The following MARCHF6 variants were observed in gnomAD, a reference collection of about 807,000 sequenced individuals.
The protein encoded by MARCHF6 is membrane associated ring-CH-type finger 6.
MARCHF6 carries 31 observed loss-of-function variants against 133.7 expected under a neutral mutation model. That is an observed-to-expected ratio of 0.23 (90% CI 0.17 to 0.31). MARCHF6 has a LOEUF of 0.31. Among genes scored for constraint, MARCHF6 ranks in the 10% least tolerant of loss-of-function variants. The pLI, the probability that MARCHF6 is intolerant of heterozygous loss-of-function variation, is 1.00. For synonymous variants in MARCHF6, 395 were observed against 402.5 expected (o/e 0.98, Z 0.22); for missense variants, 723 against 1,121.6 (o/e 0.64, Z 5.08).
chr5:10,403,069 G>A (rs1241271294), intron 14 of MARCHF6, among the ~76,000 whole-genome samples: 1 of 152,042 alleles, frequency 6.6e-6, no homozygotes, highest in African/African-American at 2.4e-5. Context: ...GCTGCCTTTG[G>A]TTCTGAGATA....
rs530590073 is a variant in MARCHF6 at position 10,422,705 on chromosome 5, A to G, written c.2284-1030A>G. On this transcript the variant is annotated intron_variant, in intron 22 of 25. Coordinates refer to ENST00000274140, the MANE Select transcript of MARCHF6 (RefSeq NM_005885.4). ...TTGAAGAAGATCCTTAGAATAACCA[A>G]TCAAACCAGTAAAGAAATGGGAACA... 7.2e-5 allele frequency among the ~76,000 whole-genome samples: 11 copies of G among 152,226 alleles called. No homozygotes were observed. In the South Asian group the frequency reaches 2.3e-3, roughly 32 times the overall value.
At chr5:10,404,064 TTTATTTATTTATTTAC>T (rs1416053612) in intron 15 of MARCHF6, among the ~76,000 whole-genome samples, 2 of 149,250 alleles carry the variant, frequency 1.3e-5, no homozygotes, top group Non-Finnish European at 3.0e-5. Flanking sequence ...TATTTATTTA[TTTATTTATTTATTTAC>T]TTATTTACTT....
At chr5:10,423,445 TATTTG>T (rs1374555391) in intron 22 of MARCHF6, among the ~76,000 whole-genome samples, 1 of 152,256 alleles carries the variant, frequency 6.6e-6, no homozygotes, top group East Asian at 1.9e-4. Context: ...GCATTTATTT[TATTTG>T]CTTTTTGAGA....
chr5:10,417,472 G>C, intron 22 of MARCHF6, 68 bp downstream of exon 22: 1 of 1,593,576 alleles, frequency 6.3e-7, no homozygotes. Flanking sequence ...TCCTAGCCAG[G>C]CATGGGGCTT....
intron 24 of MARCHF6, 84 bp downstream of exon 24, chr5:10,426,606 TC>T (rs1740100110): frequency 2.9e-6 from 4 of 1,377,516 alleles, no homozygotes; most frequent in Non-Finnish European, 3.0e-6. Flanking sequence ...AAAGGATGTC[TC>T]ACTCCATATG....
rs1735488847 is a variant in MARCHF6, at chr5:10,356,573, T to A, written c.19+2656T>A. 4.0e-5 allele frequency among the ~76,000 whole-genome samples: 6 copies of A among 151,804 alleles called. No homozygotes were observed. The South Asian group carries it at 1.2e-3, about 31-fold the overall frequency. ...ACCTCCCTCTGCTAATTTTTGTGTT[T>A]TTAGTAGAGATGGGGTTTCGCCATG... On this transcript the variant is annotated intron_variant, in intron 1 of 25. Transcript: ENST00000274140.
At chr5:10,380,225 G>A (rs1737050085) in intron 3 of MARCHF6, among the ~76,000 whole-genome samples, 1 of 151,560 alleles carries the variant, frequency 6.6e-6, no homozygotes, top group Non-Finnish European at 1.5e-5. Flanking sequence ...TATAAATGCT[G>A]TAACTTAGTG....
intron 1 of MARCHF6, among the ~76,000 whole-genome samples, chr5:10,368,651 T>G (rs1364103449): frequency 5.3e-5 from 8 of 152,054 alleles, no homozygotes. Flanking sequence ...GTCATCTCGG[T>G]TTGCTGCAAC....
At chr5:10,384,352 G>A (rs1737340180) in intron 4 of MARCHF6, among the ~76,000 whole-genome samples, 1 of 151,912 alleles carries the variant, frequency 6.6e-6, no homozygotes, top group Non-Finnish European at 1.5e-5. Flanking sequence ...AAGCCATGGA[G>A]TGAGAGAAGA....
rs969161847 is a variant in MARCHF6 at position 10,368,012 on chromosome 5, C to T, written c.20-9786C>T. Among the ~76,000 whole-genome samples the T allele has an allele frequency of 7.2e-5, 11 of 152,266 alleles. No homozygotes were observed. The South Asian group carries it at 1.4e-3, about 20-fold the overall frequency. Reference sequence around the variant, plus strand: ...CTGAGCAAGATTCATAATTTTACTGCATACGAATCTGATGGGGGGGAGCCT... The same window carrying T: ...CTGAGCAAGATTCATAATTTTACTGTATACGAATCTGATGGGGGGGAGCCT... On this transcript the variant is annotated intron_variant, in intron 1 of 25. Coordinates refer to ENST00000274140, the MANE Select transcript of MARCHF6 (RefSeq NM_005885.4).
intron 24 of MARCHF6, among the ~76,000 whole-genome samples, chr5:10,428,334 T>TG (rs1740197278): frequency 9.6e-6 from 1 of 104,290 alleles, no homozygotes; most frequent in African/African-American, 3.3e-5. Context: ...CTTTTTAGTT[T>TG]TTTTTTTTTT....
chr5:10,362,614 C>T (rs144434602), intron 1 of MARCHF6, among the ~76,000 whole-genome samples: 1 of 152,240 alleles, frequency 6.6e-6, no homozygotes, highest in East Asian at 1.9e-4. Context: ...TATTATAAGA[C>T]AATTGGATTC....
At chr5:10,375,262 G>A (rs797017266) in intron 1 of MARCHF6, among the ~76,000 whole-genome samples, 50 of 152,348 alleles carry the variant, frequency 3.3e-4, no homozygotes, top group African/African-American at 1.1e-3. Context: ...GCAGCCGGCC[G>A]GCCCTGCCGG....
At chr5:10,388,238 T>C (rs1326957647) in intron 5 of MARCHF6, among the ~76,000 whole-genome samples, 3 of 152,206 alleles carry the variant, frequency 2.0e-5, no homozygotes, top group African/African-American at 7.2e-5. Flanking sequence ...AAATAAATTA[T>C]AAACATGGCT....
chr5:10,428,979 T>C (rs1027541182), intron 24 of MARCHF6, among the ~76,000 whole-genome samples: 1 of 152,202 alleles, frequency 6.6e-6, no homozygotes, highest in Non-Finnish European at 1.5e-5. Flanking sequence ...CTTTTTAATA[T>C]GTTTTGTCAA....
rs75931517 is a variant in MARCHF6, at chr5:10,356,881, G to A, written c.19+2964G>A. Among the ~76,000 whole-genome samples the A allele has an allele frequency of 4.1e-3, 629 of 152,204 alleles. 2 individuals are homozygous for A. The highest frequency in any genetic ancestry group is 0.014 in the African/African-American group (596 of 41,506). On this transcript the variant is annotated intron_variant, in intron 1 of 25. Coordinates refer to ENST00000274140, the MANE Select transcript of MARCHF6 (RefSeq NM_005885.4). Reference sequence around the variant, plus strand: ...TGTTATGCATTTGTAGTAATACTTAGTTCCGACATGGCTGTTTCATACTAA... The same window carrying A: ...TGTTATGCATTTGTAGTAATACTTAATTCCGACATGGCTGTTTCATACTAA...
intron 1 of MARCHF6, among the ~76,000 whole-genome samples, chr5:10,356,429 C>T (rs1735479670): frequency 7.5e-6 from 1 of 134,020 alleles, no homozygotes. Flanking sequence ...GGAGTCTTGC[C>T]CTGTTGCCCA....
chr5:10,415,402 A>G, intron 20 of MARCHF6, 86 bp from the exon 21 acceptor site: 1 of 1,217,280 alleles, frequency 8.2e-7, no homozygotes. Flanking sequence ...CTTTTTCCTA[A>G]TGTGAAAATA....
rs200751600 is a variant in MARCHF6 at position 10,429,955 on chromosome 5, G to A, written c.2569G>A (p.Val857Met). The change falls in exon 25 of 26, where the codon GTG (valine) becomes ATG (methionine). Residue 857 changes from valine (V) to methionine (M), a missense_variant. Val to Met is a conservative substitution (Grantham distance 21). Transcript: ENST00000274140. The stretch of plus-strand genomic sequence containing the variant: ...GATTTATCCATTTTTACTGATGGTC[G>A]TGGTATTGATGGCAATTTTGTCCTT... The part of the protein sequence containing the change: ...RRIYPFLLMV[V>M]VLMAILSFQV... 218 of 1,613,634 alleles carry A rather than the reference G, an allele frequency of 1.4e-4. No individual in the cohort carries two copies. The highest frequency in any genetic ancestry group is 1.7e-4 in the Non-Finnish European group (202 of 1,179,580).
Sources: allele counts gnomAD v4.1 joint callset (sites outside exome capture counted in the v4.1 genomes callset), GRCh38; gene constraint gnomAD v4.1.1; transcripts MANE v1.5; gene names NCBI Gene and HGNC (gene_info 2026-07-23, HGNC 2026-07-21).